The following XPO6 variants were observed in gnomAD, a reference collection of about 807,000 sequenced individuals.
The protein encoded by XPO6 is exportin-6.
A neutral mutation model predicts 130.0 loss-of-function variants in XPO6; 3 were observed. The observed-to-expected ratio is 0.02, with a 90% CI of 0.01 to 0.06. The LOEUF is 0.06. XPO6 is among the 10% of genes least tolerant of loss of function. The probability of loss-of-function intolerance (pLI) is 1.00; values close to 1 mark genes in which losing one functional copy is unlikely to be tolerated. For missense variants in XPO6, 970 were observed against 1,393.0 expected (o/e 0.70, Z 4.83); for synonymous variants, 524 against 548.9 (o/e 0.95, Z 0.63).
Position 28,132,233 on chromosome 16 carries a change from G to T in XPO6, c.1606+101C>A. 1.1e-6 allele frequency: 1 copy of T among 893,260 alleles called. No individual in the cohort carries two copies. The highest frequency in any genetic ancestry group is 1.8e-6 in the Non-Finnish European group (1 of 567,822). 55.3% of individuals were successfully genotyped at this position (893,260 alleles called of 1,614,324 possible). A position where few individuals can be genotyped will look rare whatever the true frequency, so the allele number is the denominator to read the frequency against. Reference sequence around the variant, plus strand: ...GAGAGATGCCAGTGGGGAGGCTGCAGTGAAGAAATCATGTTCCGACAGCAA... The same window carrying T: ...GAGAGATGCCAGTGGGGAGGCTGCATTGAAGAAATCATGTTCCGACAGCAA... On this transcript the variant is annotated intron_variant, in intron 12 of 23. Coordinates refer to ENST00000304658, the MANE Select transcript of XPO6 (RefSeq NM_015171.4). The surrounding 1 kb of genome is among the most constrained non-coding windows in gnomAD (Gnocchi z 4.0).
intron 9 of XPO6, among the ~76,000 whole-genome samples, chr16:28,145,027 G>A (rs966916970): frequency 4.6e-5 from 7 of 152,138 alleles, no homozygotes; most frequent in African/African-American, 1.7e-4. Context: ...AGAAGTAGGA[G>A]CTATAACCAA....
chr16:28,169,549 C>T (rs957676125), intron 5 of XPO6, among the ~76,000 whole-genome samples: 6 of 152,186 alleles, frequency 3.9e-5, no homozygotes, highest in East Asian at 1.9e-4. Context: ...TGAAAGACTA[C>T]GAGGAAAATA....
chr16:28,152,866 G>A, intron 7 of XPO6, 81 bp from the exon 8 acceptor site: 3 of 1,543,594 alleles, frequency 1.9e-6, no homozygotes, highest in South Asian at 1.3e-5. Flanking sequence ...AGTTCTTTCA[G>A]TACAGAACTA....
chr16:28,111,490 A>G, intron 17 of XPO6: 1 of 213,238 alleles, frequency 4.7e-6, no homozygotes, highest in Non-Finnish European at 9.6e-6. Context: ...AAGCATCTGA[A>G]ATAGATCAAT....
At position 28,111,871 on chromosome 16, in the gene XPO6, G is replaced by C; in HGVS notation, c.2287C>G (p.Arg763Gly). 1.2e-6 allele frequency: 2 copies of C among 1,614,172 alleles called. No homozygotes were observed. Among genetic ancestry groups the C allele is most frequent in the East Asian group, 2.2e-5 (1 of 44,884 alleles). Reference sequence around the variant, plus strand: ...GCAACAGCACTGGGCTTCAGGTTGCGATAGTCCCGGGAGAGTGCAGAGATG... The same window carrying C: ...GCAACAGCACTGGGCTTCAGGTTGCCATAGTCCCGGGAGAGTGCAGAGATG... Reference protein sequence around the residue: ...SLISALSRDYRNLKPSAVAPQ... With the variant: ...SLISALSRDYGNLKPSAVAPQ... Residue 763 changes from arginine to glycine, a missense_variant, in exon 17 of 24, where the codon CGC becomes GGC. Physicochemically the swap from Arg to Gly is moderately radical, Grantham distance 125. Coordinates refer to ENST00000304658, the MANE Select transcript of XPO6 (RefSeq NM_015171.4).
chr16:28,150,302 G>A (rs2043063400), intron 8 of XPO6, among the ~76,000 whole-genome samples: 1 of 152,062 alleles, frequency 6.6e-6, no homozygotes, highest in East Asian at 1.9e-4. Flanking sequence ...GAAGCTTGTG[G>A]TTTGCTTCAT....
intron 8 of XPO6, among the ~76,000 whole-genome samples, chr16:28,149,862 G>A (rs1027551774): frequency 3.3e-5 from 5 of 152,158 alleles, no homozygotes; most frequent in African/African-American, 7.2e-5. Context: ...CCCTCTAGAC[G>A]AGAGAAAGAC....
chr16:28,206,327 G>C (rs370578598), intron 1 of XPO6, among the ~76,000 whole-genome samples: 1 of 152,054 alleles, frequency 6.6e-6, no homozygotes, highest in South Asian at 2.1e-4. Flanking sequence ...GACTGCTTGA[G>C]ATCAGAAGTT....
intron 9 of XPO6, among the ~76,000 whole-genome samples, chr16:28,135,643 TTG>T (rs2042760985): frequency 6.6e-6 from 1 of 152,240 alleles, no homozygotes; most frequent in African/African-American, 2.4e-5. Context: ...GAGCTTTCTT[TTG>T]GCTACTTTTT....
intron 15 of XPO6, among the ~76,000 whole-genome samples, chr16:28,114,199 CAA>C (rs71389524): frequency 0.016 from 1,579 of 97,708 alleles, 29 homozygotes; most frequent in African/African-American, 0.054. Context: ...TACATCCTCA[CAA>C]AAAAAAAAAA....
chr16:28,152,915 G>T, intron 7 of XPO6, 130 bp from the exon 8 acceptor site: 2 of 1,404,274 alleles, frequency 1.4e-6, no homozygotes, highest in Non-Finnish European at 1.8e-6. Flanking sequence ...AAATATAAAG[G>T]CCTGCAACAA....
chr16:28,120,584 C>T (rs556927906), intron 14 of XPO6, among the ~76,000 whole-genome samples: 1 of 152,262 alleles, frequency 6.6e-6, no homozygotes, highest in Middle Eastern at 3.4e-3. Flanking sequence ...AAAGGAGGGG[C>T]TCTGAAACTC....
At chr16:28,103,778 T>C (rs2086705741) in intron 21 of XPO6, among the ~76,000 whole-genome samples, 1 of 151,984 alleles carries the variant, frequency 6.6e-6, no homozygotes, top group Non-Finnish European at 1.5e-5. Flanking sequence ...CAAGAGTCAG[T>C]ATGTGTGTGT....
Position 28,098,261 on chromosome 16 carries a change from A to C in XPO6, c.*277T>G. ...CACGTGCGCCTGGTCTGCATGGGCC[A>C]CCCCGCGGGATTTCCTGGTGCCTCC... is the stretch of plus-strand genomic sequence containing the variant. On this transcript the variant is annotated 3_prime_UTR_variant, in exon 24 of 24. Coordinates refer to ENST00000304658, the MANE Select transcript of XPO6 (RefSeq NM_015171.4). 2.9e-6 allele frequency: 1 copy of C among 347,954 alleles called. No individual in the cohort carries two copies. Among genetic ancestry groups the C allele is most frequent in the Non-Finnish European group, 5.3e-6 (1 of 188,260 alleles). 21.6% of individuals were successfully genotyped at this position (347,954 alleles called of 1,614,324 possible).
chr16:28,183,040 A>G (rs2141875158), intron 1 of XPO6, among the ~76,000 whole-genome samples: 1 of 152,344 alleles, frequency 6.6e-6, no homozygotes, highest in Middle Eastern at 3.4e-3. Flanking sequence ...ATATCTCTCC[A>G]TAACTTCTTG....
In XPO6 at chr16:28,101,716, C is replaced by A; in HGVS notation, c.3046-28G>T. ...GCAGGCAGAGAGACCAGGTGAGCAGCAGCCAGCCCCCAGGGGCCTGTCCCG... is the reference window on the plus strand; with the variant it reads ...GCAGGCAGAGAGACCAGGTGAGCAGAAGCCAGCCCCCAGGGGCCTGTCCCG... On this transcript the variant is annotated intron_variant, in intron 22 of 23. Transcript: ENST00000304658. This position sits in a 1 kb window ranked among gnomAD's most constrained non-coding sequence, Gnocchi z 5.4. 6.3e-7 allele frequency: 1 copy of A among 1,595,100 alleles called. No individual in the cohort carries two copies. Among genetic ancestry groups the A allele is most frequent in the Non-Finnish European group, 8.6e-7 (1 of 1,167,620 alleles).
In XPO6 at chr16:28,175,603, GCCTCAC is replaced by G. The variant is rs1339639337; in HGVS notation, c.405+289_405+294del. On this transcript the variant is annotated intron_variant, in intron 4 of 23. Coordinates refer to ENST00000304658, the MANE Select transcript of XPO6 (RefSeq NM_015171.4). ...CCACTAAACGCCGAAACTACTGAAA[GCCTCAC>G]CCTTGTACCCCCAACACCTAGTACA... is the stretch of plus-strand genomic sequence containing the variant. Among the ~76,000 whole-genome samples, 10 of 152,252 alleles carry G rather than the reference GCCTCAC, an allele frequency of 6.6e-5. No individual in the cohort carries two copies. The South Asian group carries it at 1.5e-3, about 22-fold the overall frequency.
At chr16:28,136,628 G>A (rs1427063465) in intron 9 of XPO6, among the ~76,000 whole-genome samples, 1 of 152,182 alleles carries the variant, frequency 6.6e-6, no homozygotes, top group Non-Finnish European at 1.5e-5. Context: ...CCTTTGATTT[G>A]TGTCTAAGAA....
intron 4 of XPO6, among the ~76,000 whole-genome samples, chr16:28,172,012 A>G (rs2043457194): frequency 1.3e-5 from 2 of 152,168 alleles, no homozygotes; most frequent in African/African-American, 4.8e-5. Flanking sequence ...ATTTGGCAAT[A>G]TACACCCTCC....
Sources: allele counts gnomAD v4.1 joint callset (sites outside exome capture counted in the v4.1 genomes callset), GRCh38; gene constraint gnomAD v4.1.1; non-coding constraint Gnocchi (gnomAD v3.1); transcripts MANE v1.5; gene names NCBI Gene and HGNC (gene_info 2026-07-23, HGNC 2026-07-21).